Variants in RPTOR observed in about 807,000 individuals in gnomAD.
RPTOR encodes the protein regulatory-associated protein of mTOR.
A neutral mutation model predicts 169.9 loss-of-function variants in RPTOR; 21 were observed. The observed-to-expected ratio is 0.12, with a 90% confidence interval of 0.09 to 0.18. RPTOR has a LOEUF of 0.18. RPTOR is among the 10% of genes least tolerant of loss of function. The pLI is 1.00. For synonymous variants in RPTOR, 732 were observed against 753.2 expected (o/e 0.97, Z 0.46); for missense variants, 1,133 against 1,855.9 (o/e 0.61, Z 7.16).
intron 4 of RPTOR, among the ~76,000 whole-genome samples, chr17:80,709,937 A>AT (rs553766620): frequency 1.3e-5 from 2 of 148,204 alleles, no homozygotes; most frequent in South Asian, 2.1e-4. Context: ...TTATGATGTG[A>AT]TTTTTTTTCT....
intron 1 of RPTOR, among the ~76,000 whole-genome samples, chr17:80,551,387 C>G (rs1195750575): frequency 1.3e-5 from 2 of 152,116 alleles, no homozygotes; most frequent in Non-Finnish European, 2.9e-5. Flanking sequence ...ATTTATTGAT[C>G]ATTCGTGGGT....
chr17:80,638,125 C>G (rs1218987085), intron 2 of RPTOR, among the ~76,000 whole-genome samples: 1 of 152,232 alleles, frequency 6.6e-6, no homozygotes, highest in African/African-American at 2.4e-5. Flanking sequence ...CGAGGTCAAG[C>G]TTGAACGGCC....
At chr17:80,938,365 T>G (rs1173033011) in intron 24 of RPTOR, among the ~76,000 whole-genome samples, 1 of 152,206 alleles carries the variant, frequency 6.6e-6, no homozygotes, top group Admixed American at 6.5e-5. Context: ...CCCTTCCCAC[T>G]CGAAAGTTCC....
intron 3 of RPTOR, among the ~76,000 whole-genome samples, chr17:80,654,345 G>A (rs1165079766): frequency 1.3e-5 from 2 of 152,236 alleles, no homozygotes; most frequent in African/African-American, 4.8e-5. Context: ...AGGGCTGCAC[G>A]GGCTGTGGTG....
chr17:80,956,629 AGTT>A (rs2069253128), intron 28 of RPTOR, among the ~76,000 whole-genome samples: 1 of 152,248 alleles, frequency 6.6e-6, no homozygotes, highest in Admixed American at 6.5e-5. Flanking sequence ...CAGACCTGCC[AGTT>A]CTGCCCAGGC....
At chr17:80,602,877 A>T in intron 1 of RPTOR, 1 of 486,632 alleles carries the variant, frequency 2.1e-6, no homozygotes, top group Non-Finnish European at 3.8e-6. Flanking sequence ...CACCTCGCTG[A>T]TTGCAGAATG....
intron 20 of RPTOR, among the ~76,000 whole-genome samples, chr17:80,901,888 C>T (rs550448136): frequency 9.0e-4 from 137 of 151,904 alleles, no homozygotes; most frequent in African/African-American, 3.1e-3. Flanking sequence ...TTCCTTTCTT[C>T]CCCGTGGCAA....
At chr17:80,673,856 C>T (rs1221431976) in intron 3 of RPTOR, among the ~76,000 whole-genome samples, 1 of 152,196 alleles carries the variant, frequency 6.6e-6, no homozygotes, top group East Asian at 1.9e-4. Flanking sequence ...TGTGTAAGCG[C>T]GATGGAGAGG....
At chr17:80,648,759 G>T (rs533302188) in intron 3 of RPTOR, among the ~76,000 whole-genome samples, 1 of 152,116 alleles carries the variant, frequency 6.6e-6, no homozygotes, top group East Asian at 1.9e-4. Context: ...GCTTGGCTGT[G>T]TCCCCACCCA....
intron 7 of RPTOR, among the ~76,000 whole-genome samples, chr17:80,815,574 T>G (rs2067314090): frequency 6.6e-6 from 1 of 152,254 alleles, no homozygotes; most frequent in Admixed American, 6.5e-5. Flanking sequence ...GCCTGTGGAC[T>G]GTGGAGATCA....
At chr17:80,863,264 A>G (rs2067940865) in intron 13 of RPTOR, among the ~76,000 whole-genome samples, 2 of 152,170 alleles carry the variant, frequency 1.3e-5, no homozygotes, top group East Asian at 1.9e-4. Flanking sequence ...TCTGTCCAGG[A>G]TTCTCCCAGG....
chr17:80,862,753 T>C (rs2589118), intron 13 of RPTOR, among the ~76,000 whole-genome samples: 71,637 of 135,720 alleles, frequency 0.53, 19,643 homozygotes, highest in African/African-American at 0.74. Context: ...CCTGCAGCCC[T>C]CAGCCGTCCC....
At chr17:80,817,566 T>C (rs1450516759) in intron 7 of RPTOR, among the ~76,000 whole-genome samples, 1 of 148,000 alleles carries the variant, frequency 6.8e-6, no homozygotes, top group Non-Finnish European at 1.5e-5. Context: ...AAGGAGTGGG[T>C]GGCACCTCAT....
At chr17:80,829,540 C>T (rs7215379) in intron 9 of RPTOR, among the ~76,000 whole-genome samples, 2,106 of 152,354 alleles carry the variant, frequency 0.014, 44 homozygotes, top group African/African-American at 0.048. Context: ...AACCAGACAG[C>T]GGCCTGTAGC....
At chr17:80,911,334 C>T (rs2068610932) in intron 21 of RPTOR, among the ~76,000 whole-genome samples, 1 of 152,230 alleles carries the variant, frequency 6.6e-6, no homozygotes, top group African/African-American at 2.4e-5. Flanking sequence ...AGACGTTCAT[C>T]CCCAGGCAGC....
chr17:80,804,718 CTG>C (rs1313877266), intron 7 of RPTOR: 1 of 152,308 alleles, frequency 6.6e-6, no homozygotes, highest in Non-Finnish European at 1.5e-5. Flanking sequence ...AGAGCCGGGT[CTG>C]TGTGATGCCA....
At position 80,966,126 on chromosome 17, in the gene RPTOR, C is replaced by CCG. The variant is rs1555643083; in HGVS notation, c.*1796_*1797insCG. On this transcript the variant is annotated 3_prime_UTR_variant, in exon 34 of 34. Transcript: ENST00000306801. ...CTCCAGAGGGGTCAAGACCCCCCCC[C>CCG]GCCCCCGCTCCACCCTGGAGCCCAC... is the stretch of plus-strand genomic sequence containing the variant. 3.2e-5 allele frequency: 7 copies of CCG among 221,480 alleles called. No individual in the cohort carries two copies. The highest frequency in any genetic ancestry group is 1.3e-4 in the East Asian group (2 of 15,546). 13.7% of individuals were successfully genotyped at this position (221,480 alleles called of 1,614,324 possible). A position where few individuals can be genotyped will look rare whatever the true frequency, so the allele number is the denominator to read the frequency against.
At chr17:80,658,154 C>T (rs1443566492) in intron 3 of RPTOR, among the ~76,000 whole-genome samples, 1 of 152,178 alleles carries the variant, frequency 6.6e-6, no homozygotes, top group Admixed American at 6.5e-5. Context: ...GGATTTTAAA[C>T]CCCACAGTAT....
At chr17:80,816,618 G>A (rs2067325922) in intron 7 of RPTOR, among the ~76,000 whole-genome samples, 2 of 152,180 alleles carry the variant, frequency 1.3e-5, no homozygotes, top group Admixed American at 6.5e-5. Context: ...GGGAGGAGCC[G>A]GGTGCCAGGG....
Sources: gnomAD v4.1 joint callset for allele counts (sites outside exome capture counted in the v4.1 genomes callset) on GRCh38, gnomAD v4.1.1 for gene constraint, MANE v1.5 for transcripts, NCBI Gene and HGNC (gene_info 2026-07-23, HGNC 2026-07-21) for gene names.